The following CYP7B1 variants were observed in gnomAD, a reference collection of about 807,000 sequenced individuals.
CYP7B1 encodes the protein cytochrome P450 family 7 subfamily B member 1, also known as cytochrome P450 7B1.
CYP7B1 carries 29 observed loss-of-function variants against 42.7 expected under a neutral mutation model. The ratio of observed to expected loss-of-function variants is 0.68; its 90% CI spans 0.51 to 0.93. The LOEUF (loss-of-function observed/expected upper bound fraction) is 0.93, where lower values mean the gene tolerates loss of function less well. CYP7B1 is among the 40% of genes least tolerant of loss of function. The probability of loss-of-function intolerance (pLI) is 0.00; values close to 1 mark genes in which losing one functional copy is unlikely to be tolerated. For missense variants in CYP7B1, 655 were observed against 600.5 expected, an observed-to-expected ratio of 1.09 and a Z score of -0.95; for synonymous variants, 235 against 218.2, an observed-to-expected ratio of 1.08 and a Z score of -0.68.
At chr8:64,622,121 A>ACATTATTTGAATAATAATGCATAAAATG (rs1165802118) in intron 2 of CYP7B1, among the ~76,000 whole-genome samples, 1 of 151,774 alleles carries the variant, frequency 6.6e-6, no homozygotes, top group South Asian at 2.1e-4. Flanking sequence ...GCATTAAAAT[A>ACATTATTTGAATAATAATGCATAAAATG]CATTATTTGA....
At chr8:64,753,133 A>G (rs1037772795) in intron 1 of CYP7B1, among the ~76,000 whole-genome samples, 4 of 152,252 alleles carry the variant, frequency 2.6e-5, no homozygotes, top group African/African-American at 9.6e-5. Context: ...CAAGAATACA[A>G]TGGTTCTCTC....
intron 1 of CYP7B1, among the ~76,000 whole-genome samples, chr8:64,641,545 A>T (rs139254293): frequency 5.9e-5 from 9 of 152,292 alleles, no homozygotes; most frequent in African/African-American, 2.2e-4. Flanking sequence ...AGGTTCAGGA[A>T]AACTAATTCT....
In CYP7B1 at chr8:64,637,678, C is replaced by T. The variant is rs185488962; in HGVS notation, c.123-13139G>A. Among the ~76,000 whole-genome samples the T allele has an allele frequency of 1.0e-3, 156 of 152,302 alleles. 1 individual carries two copies. In the East Asian group the frequency reaches 0.023, roughly 23 times the overall value. Reference sequence around the variant, plus strand: ...CATATTTTAGACATCTTAATTCTTGCAGTGTCCTTTGCTTAGGCTACCCCA... The same window carrying T: ...CATATTTTAGACATCTTAATTCTTGTAGTGTCCTTTGCTTAGGCTACCCCA... On this transcript the variant is annotated intron_variant, in intron 1 of 5. Coordinates refer to ENST00000310193, the MANE Select transcript of CYP7B1 (RefSeq NM_004820.5).
intron 1 of CYP7B1, among the ~76,000 whole-genome samples, chr8:64,643,482 G>C (rs151132384): frequency 6.6e-6 from 1 of 152,276 alleles, no homozygotes; most frequent in African/African-American, 2.4e-5. Context: ...CTTTTTGCTA[G>C]AGGAGGGTCT....
chr8:64,696,416 A>G (rs1248714435), intron 1 of CYP7B1, among the ~76,000 whole-genome samples: 1 of 152,218 alleles, frequency 6.6e-6, no homozygotes, highest in Non-Finnish European at 1.5e-5. Context: ...TGGAAACTAT[A>G]AACTGCAAAG....
intron 1 of CYP7B1, among the ~76,000 whole-genome samples, chr8:64,632,719 A>T (rs1336985933): frequency 1.3e-5 from 2 of 152,178 alleles, no homozygotes; most frequent in Non-Finnish European, 2.9e-5. Context: ...TCTACAAAAA[A>T]ATCTACAGCT....
At chr8:64,777,092 G>A (rs1804338509) in intron 1 of CYP7B1, among the ~76,000 whole-genome samples, 1 of 150,072 alleles carries the variant, frequency 6.7e-6, no homozygotes, top group African/African-American at 2.5e-5. Context: ...TCTCAGCCAT[G>A]AGCTTAGCAA....
intron 1 of CYP7B1, among the ~76,000 whole-genome samples, chr8:64,782,034 T>C (rs1372324838): frequency 1.3e-5 from 2 of 152,294 alleles, no homozygotes; most frequent in East Asian, 3.9e-4. Flanking sequence ...ATGATGTTCA[T>C]TTCCATCTTC....
chr8:64,771,568 T>A (rs1804228575), intron 1 of CYP7B1, among the ~76,000 whole-genome samples: 1 of 152,196 alleles, frequency 6.6e-6, no homozygotes, highest in Non-Finnish European at 1.5e-5. Flanking sequence ...CTTACATAAC[T>A]AAGGTCAGGA....
intron 1 of CYP7B1, among the ~76,000 whole-genome samples, chr8:64,642,327 C>G (rs1414841935): frequency 6.6e-6 from 1 of 151,242 alleles, no homozygotes; most frequent in Non-Finnish European, 1.5e-5. Context: ...AATCTATTGT[C>G]CCACTTTCTA....
intron 1 of CYP7B1, among the ~76,000 whole-genome samples, chr8:64,686,118 C>T (rs1806636220): frequency 5.5e-5 from 6 of 109,620 alleles, no homozygotes; most frequent in African/African-American, 2.2e-4. Context: ...GTCAGCCCTC[C>T]GCCCGGCCAG....
chr8:64,623,205 T>C (rs1805557467), intron 2 of CYP7B1, among the ~76,000 whole-genome samples: 1 of 152,094 alleles, frequency 6.6e-6, no homozygotes, highest in Non-Finnish European at 1.5e-5. Context: ...CAGGAAGAGG[T>C]GGAGTCTCTT....
chr8:64,593,004 A>C lies in CYP7B1; in HGVS notation c.*3638T>G, dbSNP rs1046631826. ...TCATCTTTTCTCAACCATTTCATTT[A>C]TCCTTACTTTCCATTTCTAAATTCC... On this transcript the variant is annotated 3_prime_UTR_variant, in exon 6 of 6. Coordinates refer to ENST00000310193, the MANE Select transcript of CYP7B1 (RefSeq NM_004820.5). 1.3e-5 allele frequency among the ~76,000 whole-genome samples: 2 copies of C among 152,146 alleles called. No homozygotes were observed. The highest frequency in any genetic ancestry group is 4.8e-5 in the African/African-American group (2 of 41,432).
intron 1 of CYP7B1, among the ~76,000 whole-genome samples, chr8:64,763,521 G>T (rs1332107967): frequency 6.6e-5 from 10 of 152,218 alleles, no homozygotes; most frequent in Admixed American, 6.5e-4. Context: ...ACTTTCGCTT[G>T]CTATTCTGTC....
At position 64,792,586 on chromosome 8, in the gene CYP7B1, C is replaced by T. The variant is rs1478316271; in HGVS notation, c.122+5880G>A. On this transcript the variant is annotated intron_variant, in intron 1 of 5. Coordinates refer to ENST00000310193, the MANE Select transcript of CYP7B1 (RefSeq NM_004820.5). ...TCAATGACTAATAGTTGCCCTCAAC[C>T]ATGTCAGCAGAAGCCAGGATTAGAG... 5.3e-5 allele frequency among the ~76,000 whole-genome samples: 8 copies of T among 152,192 alleles called. No homozygotes were observed. In the East Asian group the frequency reaches 1.5e-3, roughly 29 times the overall value.
chr8:64,599,057 G>C (rs1432606658), intron 5 of CYP7B1, among the ~76,000 whole-genome samples: 1 of 152,174 alleles, frequency 6.6e-6, no homozygotes, highest in Admixed American at 6.5e-5. Context: ...AAAAAGGAAG[G>C]GGTATAATAA....
intron 1 of CYP7B1, among the ~76,000 whole-genome samples, chr8:64,754,570 G>T (rs1400022793): frequency 6.6e-6 from 1 of 152,154 alleles, no homozygotes; most frequent in African/African-American, 2.4e-5. Flanking sequence ...TGAGCAGAGA[G>T]ACAATGCAGG....
At chr8:64,784,662 T>A (rs193210693) in intron 1 of CYP7B1, among the ~76,000 whole-genome samples, 50 of 152,304 alleles carry the variant, frequency 3.3e-4, no homozygotes, top group Non-Finnish European at 6.6e-4. Context: ...CCAGGAATGT[T>A]TGATGCTCTT....
intron 1 of CYP7B1, among the ~76,000 whole-genome samples, chr8:64,642,556 T>C (rs945209909): frequency 6.6e-6 from 1 of 152,194 alleles, no homozygotes; most frequent in Non-Finnish European, 1.5e-5. Flanking sequence ...GGTTCCTCAC[T>C]AGAGGAAGAC....
Sources: allele counts gnomAD v4.1 joint callset (sites outside exome capture counted in the v4.1 genomes callset), GRCh38; gene constraint gnomAD v4.1.1; transcripts MANE v1.5; gene names NCBI Gene and HGNC (gene_info 2026-07-23, HGNC 2026-07-21).